The following MAP3K2 variants were observed in gnomAD, a reference collection of about 807,000 sequenced individuals.
MAP3K2 encodes MAP/ERK kinase kinase 2.
MAP3K2 carries 24 observed loss-of-function variants against 80.3 expected under a neutral mutation model. That is an observed-to-expected ratio of 0.30 (90% CI 0.22 to 0.42). The LOEUF is 0.42. MAP3K2 is among the 10% of genes least tolerant of loss of function. The pLI, the probability that MAP3K2 is intolerant of heterozygous loss-of-function variation, is 1.00. For synonymous variants in MAP3K2, 244 were observed against 253.7 expected, an observed-to-expected ratio of 0.96 and a Z score of 0.36; for missense variants, 608 against 750.1, an observed-to-expected ratio of 0.81 and a Z score of 2.21.
intron 1 of MAP3K2, among the ~76,000 whole-genome samples, chr2:127,356,626 T>C (rs1686802606): frequency 6.6e-6 from 1 of 152,248 alleles, no homozygotes; most frequent in Non-Finnish European, 1.5e-5. Flanking sequence ...GTGTTGAGAT[T>C]ACAGGCATGT....
At chr2:127,328,074 A>G (rs1339930418) in intron 7 of MAP3K2, among the ~76,000 whole-genome samples, 1 of 152,230 alleles carries the variant, frequency 6.6e-6, no homozygotes, top group East Asian at 1.9e-4. Context: ...CAGGAGTTCG[A>G]GACCAATCTG....
intron 15 of MAP3K2, among the ~76,000 whole-genome samples, chr2:127,311,500 A>C (rs1685807594): frequency 6.6e-6 from 1 of 152,188 alleles, no homozygotes; most frequent in Admixed American, 6.5e-5. Flanking sequence ...AGTTTCTAAA[A>C]ACTTATTTTG....
intron 1 of MAP3K2, among the ~76,000 whole-genome samples, chr2:127,343,738 AC>A (rs1253861587): frequency 6.6e-6 from 1 of 152,176 alleles, no homozygotes; most frequent in African/African-American, 2.4e-5. Flanking sequence ...GGTGTTTATG[AC>A]CAAGTGCAGT....
At position 127,322,468 on chromosome 2, in the gene MAP3K2, T is replaced by TAC. The variant is rs975924019; in HGVS notation, c.839-218_839-217dup. Reference sequence around the variant, plus strand: ...ATGTATGAGTGTGCACACAGAAACATACACACACACATCTTAAAAAGGAAC... The same window carrying TAC: ...ATGTATGAGTGTGCACACAGAAACATACACACACACACATCTTAAAAAGGAAC... On this transcript the variant is annotated intron_variant, in intron 11 of 16. Coordinates refer to ENST00000682094, the MANE Select transcript of MAP3K2 (RefSeq NM_001371910.2). The surrounding 1 kb of genome is among the most constrained non-coding windows in gnomAD (Gnocchi z 4.2). Among the ~76,000 whole-genome samples the TAC allele has an allele frequency of 5.9e-5, 9 of 151,964 alleles. No individual in the cohort carries two copies. The highest frequency in any genetic ancestry group is 1.9e-4 in the African/African-American group (8 of 41,374).
chr2:127,302,787 C>T lies in MAP3K2; in HGVS notation c.*4792G>A, dbSNP rs146608810. 6.6e-6 allele frequency: 1 copy of T among 152,202 alleles called. No homozygotes were observed. Among genetic ancestry groups the T allele is most frequent in the African/African-American group, 2.4e-5 (1 of 41,540 alleles). 9.4% of individuals were successfully genotyped at this position (152,202 alleles called of 1,614,324 possible). On this transcript the variant is annotated 3_prime_UTR_variant, in exon 17 of 17. Coordinates refer to ENST00000682094, the MANE Select transcript of MAP3K2 (RefSeq NM_001371910.2). ...ACATGTCTCTTTAGAACGAGAATAC[C>T]TCTTTCTATGCTTGTGTTGGGAATT...
At chr2:127,384,441 C>A (rs1011029911) in intron 1 of MAP3K2, among the ~76,000 whole-genome samples, 1 of 152,038 alleles carries the variant, frequency 6.6e-6, no homozygotes, top group African/African-American at 2.4e-5. Flanking sequence ...ATTCTAGATG[C>A]CATTAAGAAC....
chr2:127,387,883 C>T lies in MAP3K2; in HGVS notation c.-497G>A. The T allele has an allele frequency of 1.0e-6, 1 of 982,182 alleles. No individual in the cohort carries two copies. The highest frequency in any genetic ancestry group is 1.2e-6 in the Non-Finnish European group (1 of 827,208). 60.8% of individuals were successfully genotyped at this position (982,182 alleles called of 1,614,324 possible). On this transcript the variant is annotated 5_prime_UTR_variant, in exon 1 of 17. Transcript: ENST00000682094. ...TCGTCGCCGCCGCGGGCCGTGCAAC[C>T]CCCGAACGCTGCGCCCAGCGGCCGC...
rs1036816363 is a variant in MAP3K2 at position 127,299,018 on chromosome 2, A to C, written c.*8561T>G. 6.6e-6 allele frequency: 1 copy of C among 152,242 alleles called. No homozygotes were observed. Among genetic ancestry groups the C allele is most frequent in the African/African-American group, 2.4e-5 (1 of 41,468 alleles). The allele number at this position is 152,242 out of a possible 1,614,324, so 9.4% of individuals were successfully genotyped here. A position where few individuals can be genotyped will look rare whatever the true frequency, so the allele number is the denominator to read the frequency against. ...AGAAATTATAAAACTCAGAAATTGT[A>C]TACATTTTTACAAGCACAATTTTGA... On this transcript the variant is annotated 3_prime_UTR_variant, in exon 17 of 17. Transcript: ENST00000682094.
In MAP3K2 at chr2:127,321,792, G is replaced by A. The variant is rs1043465648; in HGVS notation, c.1045+254C>T. On this transcript the variant is annotated intron_variant, in intron 12 of 16. Coordinates refer to ENST00000682094, the MANE Select transcript of MAP3K2 (RefSeq NM_001371910.2). The surrounding 1 kb of genome is among the most constrained non-coding windows in gnomAD (Gnocchi z 4.4). ...TGGTAGGCATTCAACAAGGATATGT[G>A]GAATGCATGGATAAAGAATGACTAG... 6.6e-6 allele frequency among the ~76,000 whole-genome samples: 1 copy of A among 152,066 alleles called. No homozygotes were observed. Among genetic ancestry groups the A allele is most frequent in the Non-Finnish European group, 1.5e-5 (1 of 68,010 alleles).
intron 1 of MAP3K2, among the ~76,000 whole-genome samples, chr2:127,355,426 A>C (rs1241716641): frequency 6.6e-6 from 1 of 152,150 alleles, no homozygotes; most frequent in African/African-American, 2.4e-5. Context: ...ATCATAATAA[A>C]GTGAATTTTT....
chr2:127,319,037 C>A (rs1469245831), intron 12 of MAP3K2, among the ~76,000 whole-genome samples: 1 of 152,092 alleles, frequency 6.6e-6, no homozygotes, highest in Non-Finnish European at 1.5e-5. Flanking sequence ...CTCATAGGAG[C>A]AGGAGACACC....
chr2:127,355,083 T>C (rs1452970446), intron 1 of MAP3K2, among the ~76,000 whole-genome samples: 2 of 152,096 alleles, frequency 1.3e-5, no homozygotes, highest in Non-Finnish European at 2.9e-5. Flanking sequence ...GAGCCTAATA[T>C]ACATTCAACT....
intron 10 of MAP3K2, 47 bp from the exon 11 acceptor site, chr2:127,324,041 T>C: frequency 8.9e-7 from 1 of 1,121,228 alleles, no homozygotes; most frequent in Non-Finnish European, 1.3e-6. Context: ...AAAAAAAAGT[T>C]AAATATTTCT....
At position 127,321,322 on chromosome 2, in the gene MAP3K2, G is replaced by T. The variant is rs184308583; in HGVS notation, c.1045+724C>A. On this transcript the variant is annotated intron_variant, in intron 12 of 16. Transcript: ENST00000682094. This position sits in a 1 kb window ranked among gnomAD's most constrained non-coding sequence, Gnocchi z 4.4. ...GAATAGACTGAAGATATATATAAAA[G>T]ACATTTTTCTCTTATTTTTAATCAC... 6.3e-4 allele frequency among the ~76,000 whole-genome samples: 96 copies of T among 152,206 alleles called. No homozygotes were observed. The highest frequency in any genetic ancestry group is 1.0e-3 in the Non-Finnish European group (70 of 68,000).
chr2:127,368,706 T>C (rs1687013242), intron 1 of MAP3K2, among the ~76,000 whole-genome samples: 1 of 152,166 alleles, frequency 6.6e-6, no homozygotes, highest in South Asian at 2.1e-4. Context: ...CTTTAAATCA[T>C]CTCTAGATTA....
Position 127,326,880 on chromosome 2 carries a change from T to C in MAP3K2, c.467-63A>G, listed in dbSNP as rs149632789. The C allele has an allele frequency of 5.3e-4, 562 of 1,051,144 alleles. No individual in the cohort carries two copies. The African/African-American group carries it at 8.1e-3, about 15-fold the overall frequency. 65.1% of individuals were successfully genotyped at this position (1,051,144 alleles called of 1,614,324 possible). A position where few individuals can be genotyped will look rare whatever the true frequency, so the allele number is the denominator to read the frequency against. ...CAAGGGAATCAAGTTTTGTTTTAAA[T>C]AGGCTATATTTCTGAATTATATCAT... On this transcript the variant is annotated intron_variant, in intron 7 of 16. Transcript: ENST00000682094.
rs924554447 is a variant in MAP3K2, at chr2:127,387,643, T to C, written c.-257A>G. 4 of 984,568 alleles carry C rather than the reference T, an allele frequency of 4.1e-6. No homozygotes were observed. The African/African-American group carries it at 5.3e-5, about 13-fold the overall frequency. 61.0% of individuals were successfully genotyped at this position (984,568 alleles called of 1,614,324 possible). ...GGGCCAGGCCCGTCCCTCTTTCACATGAAGCCCGGGCCGGGCGGGGTGGCG... is the reference window on the plus strand; with the variant it reads ...GGGCCAGGCCCGTCCCTCTTTCACACGAAGCCCGGGCCGGGCGGGGTGGCG... On this transcript the variant is annotated 5_prime_UTR_variant, in exon 1 of 17. It removes an upstream start codon present in the reference 5' UTR. Coordinates refer to ENST00000682094, the MANE Select transcript of MAP3K2 (RefSeq NM_001371910.2).
chr2:127,311,338 C>G (rs1411822701), intron 15 of MAP3K2, among the ~76,000 whole-genome samples: 1 of 152,158 alleles, frequency 6.6e-6, no homozygotes, highest in Non-Finnish European at 1.5e-5. Flanking sequence ...CCATTTTTTA[C>G]TGGCTACAAG....
intron 1 of MAP3K2, among the ~76,000 whole-genome samples, chr2:127,350,648 A>C (rs1269451278): frequency 6.6e-6 from 1 of 152,094 alleles, no homozygotes; most frequent in Non-Finnish European, 1.5e-5. Flanking sequence ...ACCAAGAAAA[A>C]TCAACAAATG....
Sources: allele counts gnomAD v4.1 joint callset (sites outside exome capture counted in the v4.1 genomes callset), GRCh38; gene constraint gnomAD v4.1.1; non-coding constraint Gnocchi (gnomAD v3.1); transcripts MANE v1.5; gene names NCBI Gene and HGNC (gene_info 2026-07-23, HGNC 2026-07-21).